ARHGAP32: variants seen among roughly 807,000 people sequenced by gnomAD.
ARHGAP32 encodes the protein rho GTPase-activating protein 32.
A neutral mutation model predicts 186.5 loss-of-function variants in ARHGAP32; 51 were observed. The ratio of observed to expected loss-of-function variants is 0.27; its 90% CI spans 0.22 to 0.35. The LOEUF (loss-of-function observed/expected upper bound fraction) is 0.35, where lower values mean the gene tolerates loss of function less well. ARHGAP32 is among the 10% of genes least tolerant of loss of function. The pLI is 1.00. For synonymous variants in ARHGAP32, 950 were observed against 964.3 expected, an observed-to-expected ratio of 0.99 and a Z score of 0.27; for missense variants, 2,186 against 2,623.5, an observed-to-expected ratio of 0.83 and a Z score of 3.64.
intron 11 of ARHGAP32, chr11:129,023,990 C>G (rs1271093218): frequency 8.1e-6 from 8 of 985,336 alleles, no homozygotes; most frequent in African/African-American, 1.7e-5. Context: ...CATAATCCAA[C>G]TGGTTCCAAC....
At position 129,044,566 on chromosome 11, in the gene ARHGAP32, A is replaced by G. The variant is rs2135043173; in HGVS notation, c.964-3557T>C. ...AGTATTTGGCTACCAGAACTGCTAG[A>G]GGGCTCTAGCTCCTCCATCAAATGG... On this transcript the variant is annotated intron_variant, in intron 10 of 22. Transcript: ENST00000682385. Among the ~76,000 whole-genome samples, 3 of 152,342 alleles carry G rather than the reference A, an allele frequency of 2.0e-5. 1 individual carries two copies. The highest frequency in any genetic ancestry group is 2.0e-4 in the Admixed American group (3 of 15,304).
chr11:129,057,304 G>A lies in ARHGAP32; in HGVS notation c.963+4976C>T, dbSNP rs532078041. 3.9e-3 allele frequency among the ~76,000 whole-genome samples: 586 copies of A among 152,206 alleles called. 2 individuals are homozygous for A. Among genetic ancestry groups the A allele is most frequent in the African/African-American group, 0.013 (560 of 41,510 alleles). On this transcript the variant is annotated intron_variant, in intron 10 of 22. Transcript: ENST00000682385. ...GACCCCAAGGAGAGTACTGAGGTCTGCTAGTCCTCCATGTCCTGCCTGCCT... is the reference window on the plus strand; with the variant it reads ...GACCCCAAGGAGAGTACTGAGGTCTACTAGTCCTCCATGTCCTGCCTGCCT...
chr11:129,043,201 A>T (rs148241886), intron 10 of ARHGAP32, among the ~76,000 whole-genome samples: 6 of 152,250 alleles, frequency 3.9e-5, no homozygotes, highest in Non-Finnish European at 8.8e-5. Flanking sequence ...GCTGGTTTCC[A>T]CATCTGAAAT....
At chr11:129,251,661 G>T (rs1945185285) in intron 1 of ARHGAP32, among the ~76,000 whole-genome samples, 1 of 151,960 alleles carries the variant, frequency 6.6e-6, no homozygotes, top group Non-Finnish European at 1.5e-5. Flanking sequence ...CAGCGCGGTG[G>T]CTCACACCTA....
intron 1 of ARHGAP32, among the ~76,000 whole-genome samples, chr11:129,237,938 G>A (rs1944958345): frequency 6.6e-6 from 1 of 152,108 alleles, no homozygotes; most frequent in Non-Finnish European, 1.5e-5. Flanking sequence ...GAGTGATTTA[G>A]ACTAGGGTGG....
intron 11 of ARHGAP32, chr11:129,024,276 C>T (rs1355152690): frequency 4.3e-6 from 2 of 462,886 alleles, no homozygotes; most frequent in African/African-American, 4.2e-5. Context: ...CAACCCCACA[C>T]AGGTGAGCAC....
At chr11:129,250,696 G>C (rs1009542460) in intron 1 of ARHGAP32, among the ~76,000 whole-genome samples, 1 of 152,102 alleles carries the variant, frequency 6.6e-6, no homozygotes, top group Non-Finnish European at 1.5e-5. Context: ...CTATCCTGTA[G>C]CAGAATTATT....
At chr11:129,029,105 T>C (rs1028158504) in intron 11 of ARHGAP32, among the ~76,000 whole-genome samples, 2 of 152,282 alleles carry the variant, frequency 1.3e-5, no homozygotes, top group Admixed American at 6.5e-5. Flanking sequence ...AAAACAAAAT[T>C]AGCAAATTAA....
At chr11:129,040,582 A>G (rs1235115445) in intron 11 of ARHGAP32, among the ~76,000 whole-genome samples, 2 of 152,172 alleles carry the variant, frequency 1.3e-5, no homozygotes, top group African/African-American at 4.8e-5. Flanking sequence ...CTTTTCATTT[A>G]TTAATTTTCA....
At chr11:129,208,320 A>G (rs918556914) in intron 1 of ARHGAP32, among the ~76,000 whole-genome samples, 1 of 152,216 alleles carries the variant, frequency 6.6e-6, no homozygotes, top group Non-Finnish European at 1.5e-5. Context: ...CTCAGAAAAC[A>G]CAGATTCATG....
intron 5 of ARHGAP32, among the ~76,000 whole-genome samples, chr11:129,120,943 A>T (rs1314986484): frequency 1.1e-4 from 16 of 152,110 alleles, no homozygotes; most frequent in Non-Finnish European, 2.4e-4. Context: ...TCTATTATTG[A>T]CACATTTTAC....
At chr11:129,120,279 G>T (rs1591631651) in intron 5 of ARHGAP32, among the ~76,000 whole-genome samples, 1 of 152,062 alleles carries the variant, frequency 6.6e-6, no homozygotes, top group African/African-American at 2.4e-5. Flanking sequence ...GGAACTGAAA[G>T]GATAGAGTTG....
intron 1 of ARHGAP32, among the ~76,000 whole-genome samples, chr11:129,271,585 GA>G (rs770998500): frequency 1.3e-5 from 2 of 152,030 alleles, no homozygotes; most frequent in Non-Finnish European, 2.9e-5. Context: ...GCGCAAGGGG[GA>G]AAAAAGTCAG....
At chr11:129,148,503 T>C (rs758655439) in intron 2 of ARHGAP32, among the ~76,000 whole-genome samples, 12 of 152,120 alleles carry the variant, frequency 7.9e-5, no homozygotes, top group Non-Finnish European at 1.3e-4. Context: ...TCCCCAACTA[T>C]ACCTCACAGG....
chr11:129,153,788 T>C (rs1943342164), intron 2 of ARHGAP32, among the ~76,000 whole-genome samples: 1 of 151,998 alleles, frequency 6.6e-6, no homozygotes, highest in South Asian at 2.1e-4. Context: ...ATTTAGAAGA[T>C]AATATCAGAA....
At position 129,034,741 on chromosome 11, in the gene ARHGAP32, AAAAG is replaced by A. The variant is rs1224567586; in HGVS notation, c.1045+6183_1045+6186del. On this transcript the variant is annotated intron_variant, in intron 11 of 22. Coordinates refer to ENST00000682385, the MANE Select transcript of ARHGAP32 (RefSeq NM_001378024.1). Reference sequence around the variant, plus strand: ...CCAAACTGAAAACAAAAAAAAAAAAAAAAGAGAGAGAGAAAAAAAGAAAACAGGA... The same window carrying A: ...CCAAACTGAAAACAAAAAAAAAAAAAAGAGAGAGAAAAAAAGAAAACAGGA... Among the ~76,000 whole-genome samples, 3 of 151,172 alleles carry A rather than the reference AAAAG, an allele frequency of 2.0e-5. No individual in the cohort carries two copies. The South Asian group carries it at 6.2e-4, about 31-fold the overall frequency.
Position 128,970,037 on chromosome 11 carries a change from G to A in ARHGAP32, c.5176C>T (p.Arg1726Trp), listed in dbSNP as rs79961242. ...GAGAAATAGCCAGTCACGTTGGCCC[G>A]GGGACGTGGAGCCAAACCAGCATAA... is the stretch of plus-strand genomic sequence containing the variant. ...YSYAGLAPRPRANVTGYFSPN... is the reference protein window; with the variant it reads ...YSYAGLAPRPWANVTGYFSPN... Residue 1726 changes from arginine (R) to tryptophan (W), a missense_variant, in exon 23 of 23, where the codon CGG becomes TGG. Arg to Trp is a moderately radical substitution (Grantham distance 101). Coordinates refer to ENST00000682385, the MANE Select transcript of ARHGAP32 (RefSeq NM_001378024.1). This position sits in a 1 kb window ranked among gnomAD's most constrained non-coding sequence, Gnocchi z 5.8. 8.1e-4 allele frequency: 1,314 copies of A among 1,614,178 alleles called. 13 individuals carry two copies. The African/African-American group carries it at 0.016, about 19-fold the overall frequency.
At chr11:129,198,254 C>G (rs755536606) in intron 1 of ARHGAP32, among the ~76,000 whole-genome samples, 1 of 152,158 alleles carries the variant, frequency 6.6e-6, no homozygotes. Context: ...AAAAGCTGTT[C>G]TTATAAAACC....
chr11:129,006,043 T>A (rs898265780), intron 11 of ARHGAP32, among the ~76,000 whole-genome samples: 1 of 152,188 alleles, frequency 6.6e-6, no homozygotes, highest in Non-Finnish European at 1.5e-5. Flanking sequence ...AGTATTTCGA[T>A]TGCATTTCTG....
Sources: allele counts gnomAD v4.1 joint callset (sites outside exome capture counted in the v4.1 genomes callset), GRCh38; gene constraint gnomAD v4.1.1; non-coding constraint Gnocchi (gnomAD v3.1); transcripts MANE v1.5; gene names NCBI Gene and HGNC (gene_info 2026-07-23, HGNC 2026-07-21).